The following TBC1D23 variants were observed in gnomAD, a reference collection of about 807,000 sequenced individuals.
TBC1D23 encodes TBC1 domain family member 23.
Under a neutral mutation model 91.4 loss-of-function variants are expected in TBC1D23, and 55 were observed. The ratio of observed to expected loss-of-function variants is 0.60; its 90% CI spans 0.48 to 0.75. The LOEUF is 0.75. Among genes scored for constraint, TBC1D23 ranks in the 30% least tolerant of loss-of-function variants. TBC1D23 has a pLI of 0.00. For synonymous variants in TBC1D23, 289 were observed against 281.0 expected, an observed-to-expected ratio of 1.03 and a Z score of -0.28; for missense variants, 725 against 836.1, an observed-to-expected ratio of 0.87 and a Z score of 1.64.
rs1296744690 is a variant in TBC1D23 at position 100,306,371 on chromosome 3, G to A, written c.1307-66G>A. 16 of 848,170 alleles carry A rather than the reference G, an allele frequency of 1.9e-5. No individual in the cohort carries two copies. The Admixed American group carries it at 3.3e-4, about 18-fold the overall frequency. 52.5% of individuals were successfully genotyped at this position (848,170 alleles called of 1,614,324 possible). A position where few individuals can be genotyped will look rare whatever the true frequency, so the allele number is the denominator to read the frequency against. On this transcript the variant is annotated intron_variant, in intron 12 of 18. Coordinates refer to ENST00000394144, the MANE Select transcript of TBC1D23 (RefSeq NM_001199198.3). The stretch of plus-strand genomic sequence containing the variant: ...TGTGACATGTTTATTGTATTTCGTT[G>A]GTAATGAATTTTTCCAAAGAGTGTT...
intron 1 of TBC1D23, chr3:100,279,399 A>G (rs1365612779): frequency 3.2e-6 from 1 of 309,414 alleles, no homozygotes; most frequent in African/African-American, 2.1e-5. Flanking sequence ...AGCTTGCCCC[A>G]TCTCCTCTTT....
chr3:100,296,034 T>C (rs983474099), intron 7 of TBC1D23, 138 bp from the exon 8 acceptor site: 3 of 464,878 alleles, frequency 6.5e-6, no homozygotes, highest in African/African-American at 6.0e-5. Flanking sequence ...AAATCCACTT[T>C]TCCACAAGTC....
chr3:100,263,387 C>A (rs1391489696), intron 1 of TBC1D23, among the ~76,000 whole-genome samples: 1 of 152,184 alleles, frequency 6.6e-6, no homozygotes, highest in Non-Finnish European at 1.5e-5. Context: ...TTACTTCAGG[C>A]CATCTGGGCG....
intron 1 of TBC1D23, among the ~76,000 whole-genome samples, chr3:100,267,887 T>C (rs756975742): frequency 1.1e-4 from 16 of 152,240 alleles, no homozygotes; most frequent in Non-Finnish European, 2.2e-4. Flanking sequence ...AGCAAAGTTA[T>C]GCATTGGGCA....
Position 100,306,482 on chromosome 3 carries a change from A to G in TBC1D23, c.1352A>G (p.Asn451Ser). 1 of 1,613,138 alleles carries G rather than the reference A, an allele frequency of 6.2e-7. No individual in the cohort carries two copies. Among genetic ancestry groups the G allele is most frequent in the African/African-American group, 1.3e-5 (1 of 74,978 alleles). Residue 451 changes from asparagine to serine, a missense_variant, in exon 13 of 19, where the codon AAT (asparagine) becomes AGT (serine). Coordinates refer to ENST00000394144, the MANE Select transcript of TBC1D23 (RefSeq NM_001199198.3). Reference protein sequence around the residue: ...LADINVDGPENGYGHWIASTS... With the variant: ...LADINVDGPESGYGHWIASTS... ...GACATTAATGTGGATGGACCAGAAA[A>G]TGGATATGGCCATTGGATTGCTAGT...
rs1169853994 is a variant in TBC1D23, at chr3:100,284,062, A to G, written c.476+251A>G. 1.5e-5 allele frequency: 6 copies of G among 405,060 alleles called. No individual in the cohort carries two copies. The Admixed American group carries it at 2.0e-4, about 13-fold the overall frequency. 25.1% of individuals were successfully genotyped at this position (405,060 alleles called of 1,614,324 possible). On this transcript the variant is annotated intron_variant, in intron 4 of 18. Transcript: ENST00000394144. ...AGTTGGGGAGGAAGTGGGGAGATTT[A>G]GGTCAAAAGGATACAAAATAGCAAA...
intron 13 of TBC1D23, among the ~76,000 whole-genome samples, chr3:100,307,649 T>C (rs1387733356): frequency 3.9e-5 from 6 of 152,260 alleles, no homozygotes; most frequent in Non-Finnish European, 5.9e-5. Context: ...TCTGAGAATC[T>C]TATTTTTAAT....
chr3:100,286,492 A>C (rs1159529217), intron 4 of TBC1D23, among the ~76,000 whole-genome samples: 1 of 146,326 alleles, frequency 6.8e-6, no homozygotes, highest in African/African-American at 2.5e-5. Context: ...CTCCATTTTA[A>C]CATATCTTCT....
intron 1 of TBC1D23, among the ~76,000 whole-genome samples, chr3:100,266,354 C>T (rs955289690): frequency 4.6e-5 from 7 of 151,986 alleles, no homozygotes; most frequent in Admixed American, 3.9e-4. Context: ...CTGCATCCTC[C>T]GCCTCCTGGG....
At position 100,299,084 on chromosome 3, in the gene TBC1D23, G is replaced by A. The variant is rs41272629; in HGVS notation, c.1000-155G>A. Among the ~76,000 whole-genome samples the A allele has an allele frequency of 4.7e-3, 714 of 152,230 alleles. 2 individuals are homozygous for A. The highest frequency in any genetic ancestry group is 6.4e-3 in the Non-Finnish European group (434 of 68,022). On this transcript the variant is annotated intron_variant, in intron 9 of 18. Transcript: ENST00000394144. ...AGAAATAAAAGTATTTAGGACCTTCGGGTTATTTTCTGTGCTAACTAGGTC... is the reference window on the plus strand; with the variant it reads ...AGAAATAAAAGTATTTAGGACCTTCAGGTTATTTTCTGTGCTAACTAGGTC...
Position 100,324,957 on chromosome 3 carries a change from A to G in TBC1D23, c.*1289A>G, listed in dbSNP as rs548578857. 1.6e-4 allele frequency: 25 copies of G among 152,352 alleles called. No individual in the cohort carries two copies. Among genetic ancestry groups the G allele is most frequent in the African/African-American group, 5.8e-4 (24 of 41,592 alleles). The allele number at this position is 152,352 out of a possible 1,614,324, so 9.4% of individuals were successfully genotyped here. A position where few individuals can be genotyped will look rare whatever the true frequency, so the allele number is the denominator to read the frequency against. ...TATGGAAATCAAGTGAATAAAAGGC[A>G]ACATAATTTGGGAAATTTTATTCTA... is the stretch of plus-strand genomic sequence containing the variant. On this transcript the variant is annotated 3_prime_UTR_variant, in exon 19 of 19. Coordinates refer to ENST00000394144, the MANE Select transcript of TBC1D23 (RefSeq NM_001199198.3).
intron 15 of TBC1D23, 120 bp from the exon 16 acceptor site, chr3:100,315,979 G>GT: frequency 1.3e-6 from 1 of 763,976 alleles, no homozygotes; most frequent in Admixed American, 2.0e-5. Flanking sequence ...AGTACATGGG[G>GT]TTTTGGGGGG....
chr3:100,308,411 C>T (rs968077481), intron 13 of TBC1D23, among the ~76,000 whole-genome samples: 2 of 151,650 alleles, frequency 1.3e-5, no homozygotes, highest in African/African-American at 2.4e-5. Flanking sequence ...GGAGGCGGAG[C>T]TTGCAGTGAG....
intron 16 of TBC1D23, among the ~76,000 whole-genome samples, chr3:100,317,928 T>C (rs990434289): frequency 8.6e-5 from 13 of 151,814 alleles, no homozygotes; most frequent in Non-Finnish European, 1.9e-4. Context: ...GTAGTCTACT[T>C]TTTATATACA....
At chr3:100,307,799 A>G (rs1019063527) in intron 13 of TBC1D23, among the ~76,000 whole-genome samples, 14 of 152,174 alleles carry the variant, frequency 9.2e-5, no homozygotes, top group African/African-American at 2.9e-4. Context: ...CTATTGTTCA[A>G]TATTTACATT....
chr3:100,298,297 C>A (rs1705344378), intron 9 of TBC1D23, among the ~76,000 whole-genome samples: 1 of 79,314 alleles, frequency 1.3e-5, no homozygotes, highest in Admixed American at 1.1e-4. Flanking sequence ...ATCGCCGTAT[C>A]TTTTTTCCAT....
intron 1 of TBC1D23, 135 bp from the exon 2 acceptor site, chr3:100,279,514 C>A: frequency 1.8e-6 from 1 of 566,384 alleles, no homozygotes; most frequent in Non-Finnish European, 3.2e-6. Context: ...CTGTGTATAC[C>A]TTGGCATTAC....
intron 1 of TBC1D23, among the ~76,000 whole-genome samples, chr3:100,264,244 A>T (rs535139136): frequency 5.3e-5 from 8 of 152,228 alleles, no homozygotes; most frequent in East Asian, 1.9e-4. Flanking sequence ...GTAGCTGGGG[A>T]CTACAGGTGT....
In TBC1D23 at chr3:100,320,877, G is replaced by A; in HGVS notation, c.1924G>A (p.Val642Ile). 1 of 1,612,776 alleles carries A rather than the reference G, an allele frequency of 6.2e-7. No homozygotes were observed. The highest frequency in any genetic ancestry group is 8.5e-7 in the Non-Finnish European group (1 of 1,179,254). The part of the protein sequence containing the change: ...IQSRQALNSV[V>I]KITSKKKHPE... Reference sequence around the variant, plus strand: ...GTCTCGACAAGCGCTGAATTCTGTAGTTAAAATTACATCCAAAAAAAAACA... The same window carrying A: ...GTCTCGACAAGCGCTGAATTCTGTAATTAAAATTACATCCAAAAAAAAACA... The change falls in exon 18 of 19, where the codon GTT (valine) becomes ATT (isoleucine). Residue 642 changes from valine to isoleucine, a missense_variant. Transcript: ENST00000394144.
Sources: gnomAD v4.1 joint callset for allele counts (sites outside exome capture counted in the v4.1 genomes callset) on GRCh38, gnomAD v4.1.1 for gene constraint, MANE v1.5 for transcripts, NCBI Gene and HGNC (gene_info 2026-07-23, HGNC 2026-07-21) for gene names.